Variants in BTBD9 observed in about 807,000 individuals in gnomAD.
BTBD9 encodes the protein BTB domain containing 9.
In BTBD9, 49 loss-of-function variants were observed where a neutral mutation model predicts 64.3. The observed-to-expected ratio is 0.76, with a 90% CI of 0.61 to 0.97. The LOEUF is 0.97. BTBD9 is among the 50% of genes least tolerant of loss of function. The pLI is 0.00. For synonymous variants in BTBD9, 260 were observed against 274.7 expected, an observed-to-expected ratio of 0.95 and a Z score of 0.53; for missense variants, 598 against 762.1, an observed-to-expected ratio of 0.78 and a Z score of 2.53.
At chr6:38,243,131 T>C (rs1001346165) in intron 9 of BTBD9, among the ~76,000 whole-genome samples, 2 of 152,070 alleles carry the variant, frequency 1.3e-5, no homozygotes, top group Non-Finnish European at 2.9e-5. Context: ...CATTTAACAA[T>C]AGTGATTAGG....
At chr6:38,560,562 C>T (rs1378462166) in intron 6 of BTBD9, among the ~76,000 whole-genome samples, 2 of 151,962 alleles carry the variant, frequency 1.3e-5, no homozygotes, top group Non-Finnish European at 1.5e-5. Flanking sequence ...TTTGCTTTCC[C>T]TTTTTTGAAA....
intron 6 of BTBD9, among the ~76,000 whole-genome samples, chr6:38,396,815 G>A (rs2127628639): frequency 6.6e-6 from 1 of 151,036 alleles, no homozygotes; most frequent in South Asian, 2.1e-4. Flanking sequence ...TTTTTATGTT[G>A]ATTACATGTT....
intron 6 of BTBD9, among the ~76,000 whole-genome samples, chr6:38,468,606 C>G (rs1012299246): frequency 4.6e-5 from 7 of 152,174 alleles, no homozygotes; most frequent in African/African-American, 1.7e-4. Flanking sequence ...TTGCATCTAT[C>G]AAACTGTAAG....
intron 10 of BTBD9, among the ~76,000 whole-genome samples, chr6:38,178,649 G>C (rs376631976): frequency 1.8e-4 from 28 of 151,950 alleles, no homozygotes; most frequent in South Asian, 1.2e-3. Context: ...GATGGAGGAG[G>C]GGGGGACTTG....
intron 10 of BTBD9, among the ~76,000 whole-genome samples, chr6:38,186,783 T>G (rs1178512275): frequency 6.6e-6 from 1 of 152,220 alleles, no homozygotes; most frequent in African/African-American, 2.4e-5. Context: ...TGGTAAAAGC[T>G]TTCATGTAGG....
intron 9 of BTBD9, among the ~76,000 whole-genome samples, chr6:38,200,751 G>C (rs554898600): frequency 3.3e-5 from 5 of 152,158 alleles, no homozygotes; most frequent in Non-Finnish European, 7.4e-5. Context: ...ATAATGAGTA[G>C]TGAAATGGAA....
chr6:38,326,468 A>G (rs1274474467), intron 7 of BTBD9, among the ~76,000 whole-genome samples: 14 of 152,182 alleles, frequency 9.2e-5, no homozygotes, highest in Non-Finnish European at 1.6e-4. Context: ...CGTGGAGAAC[A>G]GCAAAAAAAG....
At chr6:38,355,966 A>T (rs1764711815) in intron 6 of BTBD9, among the ~76,000 whole-genome samples, 1 of 152,216 alleles carries the variant, frequency 6.6e-6, no homozygotes, top group Non-Finnish European at 1.5e-5. Flanking sequence ...GGCTGGGTAC[A>T]GAATCTCAAG....
chr6:38,518,861 G>T (rs9394508), intron 6 of BTBD9, among the ~76,000 whole-genome samples: 69,539 of 152,008 alleles, frequency 0.46, 16,682 homozygotes, highest in Middle Eastern at 0.52. Context: ...AAAAGAACTG[G>T]TCTTCACTCT....
At chr6:38,387,478 G>A (rs940617938) in intron 6 of BTBD9, among the ~76,000 whole-genome samples, 3 of 152,052 alleles carry the variant, frequency 2.0e-5, no homozygotes, top group South Asian at 2.1e-4. Context: ...CAGAGGTTGC[G>A]GTGAGCTGAG....
At position 38,355,087 on chromosome 6, in the gene BTBD9, T is replaced by C. The variant is rs1426853365; in HGVS notation, c.1155-9994A>G. On this transcript the variant is annotated intron_variant, in intron 6 of 10. Transcript: ENST00000481247. ...GTTTCCAAATAGCATGAAGGATTAC[T>C]AATTTCAGCACTACTGGTATAAGAG... 2.6e-5 allele frequency among the ~76,000 whole-genome samples: 4 copies of C among 152,226 alleles called. No homozygotes were observed. In the East Asian group the frequency reaches 5.8e-4, roughly 22 times the overall value.
intron 8 of BTBD9, among the ~76,000 whole-genome samples, chr6:38,273,673 C>G (rs866034155): frequency 7.9e-5 from 12 of 152,118 alleles, no homozygotes; most frequent in African/African-American, 2.9e-4. Context: ...TCATTGCCCC[C>G]CATTGCCTAG....
At chr6:38,565,379 A>T (rs543150270) in intron 6 of BTBD9, among the ~76,000 whole-genome samples, 1 of 152,172 alleles carries the variant, frequency 6.6e-6, no homozygotes, top group Non-Finnish European at 1.5e-5. Context: ...CCCTCAAAAC[A>T]GTCTCCAGAC....
intron 1 of BTBD9, among the ~76,000 whole-genome samples, chr6:38,601,390 T>C (rs528313166): frequency 5.3e-4 from 81 of 152,284 alleles, no homozygotes; most frequent in African/African-American, 1.9e-3. Context: ...AAAGTGATAG[T>C]TTCAGTCTAC....
chr6:38,377,839 T>C (rs1765755386), intron 6 of BTBD9, among the ~76,000 whole-genome samples: 1 of 152,196 alleles, frequency 6.6e-6, no homozygotes, highest in Non-Finnish European at 1.5e-5. Context: ...ATACAGGAAT[T>C]GTTATATAAT....
intron 7 of BTBD9, among the ~76,000 whole-genome samples, chr6:38,322,547 A>G (rs1763278702): frequency 6.6e-6 from 1 of 152,204 alleles, no homozygotes; most frequent in South Asian, 2.1e-4. Flanking sequence ...TTGTTTATCA[A>G]AGACAATGAA....
At chr6:38,411,900 T>C (rs966355011) in intron 6 of BTBD9, among the ~76,000 whole-genome samples, 2 of 152,112 alleles carry the variant, frequency 1.3e-5, no homozygotes, top group African/African-American at 4.8e-5. Context: ...TTGTGTCATT[T>C]GGGCAACAGG....
intron 1 of BTBD9, among the ~76,000 whole-genome samples, chr6:38,628,988 A>T (rs1263328918): frequency 6.6e-6 from 1 of 152,140 alleles, no homozygotes; most frequent in East Asian, 1.9e-4. Context: ...ACAGACACAG[A>T]CCCAGCTTGA....
intron 6 of BTBD9, among the ~76,000 whole-genome samples, chr6:38,375,534 T>G (rs1266846542): frequency 1.3e-5 from 2 of 152,166 alleles, no homozygotes; most frequent in African/African-American, 4.8e-5. Flanking sequence ...TGGGAACATC[T>G]TCCACATTTT....
Sources: allele counts gnomAD v4.1 joint callset (sites outside exome capture counted in the v4.1 genomes callset), GRCh38; gene constraint gnomAD v4.1.1; transcripts MANE v1.5; gene names NCBI Gene and HGNC (gene_info 2026-07-23, HGNC 2026-07-21).